The following GABRB3 variants were observed in gnomAD, a reference collection of about 807,000 sequenced individuals.
The protein encoded by GABRB3 is gamma-aminobutyric acid type A receptor subunit beta3.
A neutral mutation model predicts 52.1 loss-of-function variants in GABRB3; 14 were observed. The ratio of observed to expected loss-of-function variants is 0.27; its 90% CI spans 0.18 to 0.42. GABRB3 has a LOEUF of 0.42. Among genes scored for constraint, GABRB3 ranks in the 10% least tolerant of loss-of-function variants. The pLI, the probability that GABRB3 is intolerant of heterozygous loss-of-function variation, is 1.00. For synonymous variants in GABRB3, 260 were observed against 232.3 expected (o/e 1.12, Z -1.08); for missense variants, 307 against 609.1 (o/e 0.50, Z 5.22).
chr15:26,647,032 A>T (rs576616440), intron 3 of GABRB3, among the ~76,000 whole-genome samples: 34 of 152,154 alleles, frequency 2.2e-4, no homozygotes, highest in African/African-American at 7.7e-4. Flanking sequence ...TTTAGTATAG[A>T]CGGGGTTTCA....
chr15:26,646,796 T>C (rs1465186836), intron 3 of GABRB3, among the ~76,000 whole-genome samples: 1 of 152,214 alleles, frequency 6.6e-6, no homozygotes, highest in Non-Finnish European at 1.5e-5. Flanking sequence ...CCCTAGCGAC[T>C]AATGATGTTA....
At chr15:26,591,078 C>A (rs1047419733) in intron 4 of GABRB3, among the ~76,000 whole-genome samples, 1 of 152,144 alleles carries the variant, frequency 6.6e-6, no homozygotes, top group South Asian at 2.1e-4. Flanking sequence ...TCAGAGACTA[C>A]CCTGGGTAAG....
intron 4 of GABRB3, among the ~76,000 whole-genome samples, chr15:26,609,908 G>A (rs775827196): frequency 9.2e-5 from 14 of 152,068 alleles, no homozygotes; most frequent in Non-Finnish European, 1.6e-4. Context: ...AGTTTCTTTT[G>A]AGTAACCATA....
chr15:26,647,862 G>C (rs2140583630), intron 3 of GABRB3, among the ~76,000 whole-genome samples: 1 of 152,314 alleles, frequency 6.6e-6, no homozygotes, highest in African/African-American at 2.4e-5. Flanking sequence ...CTCCCCCACT[G>C]TTAGTCGAGG....
intron 4 of GABRB3, among the ~76,000 whole-genome samples, chr15:26,619,082 A>C (rs2140532008): frequency 6.6e-6 from 1 of 151,882 alleles, no homozygotes; most frequent in African/African-American, 2.4e-5. Context: ...ACTGTAAACT[A>C]GTTCAACCAT....
intron 3 of GABRB3, among the ~76,000 whole-genome samples, chr15:26,766,265 A>G (rs1436160951): frequency 6.6e-6 from 1 of 152,212 alleles, no homozygotes; most frequent in African/African-American, 2.4e-5. Context: ...TATGAGAAAG[A>G]AAGGTTCAGT....
chr15:26,756,355 C>G lies in GABRB3; in HGVS notation c.240+16047G>C, dbSNP rs965949557. Among the ~76,000 whole-genome samples, 3 of 151,248 alleles carry G rather than the reference C, an allele frequency of 2.0e-5. No individual in the cohort carries two copies. In the South Asian group the frequency reaches 6.3e-4, roughly 32 times the overall value. On this transcript the variant is annotated intron_variant, in intron 3 of 8. Transcript: ENST00000311550. ...GAAACCGAGGCGGGTGGATCACGAG[C>G]CCAGGAGTTTGAGACCACCCCAGGC...
chr15:26,753,320 G>C (rs1890568498), intron 3 of GABRB3, among the ~76,000 whole-genome samples: 1 of 152,216 alleles, frequency 6.6e-6, no homozygotes, highest in Non-Finnish European at 1.5e-5. Context: ...TACTGTGTAA[G>C]AGGAACCAGA....
At chr15:26,763,518 A>C (rs929184858) in intron 3 of GABRB3, among the ~76,000 whole-genome samples, 1 of 152,064 alleles carries the variant, frequency 6.6e-6, no homozygotes, top group African/African-American at 2.4e-5. Context: ...AGAGAATTAC[A>C]GTCAGCATAA....
chr15:26,562,175 T>G (rs2140682614), intron 7 of GABRB3, among the ~76,000 whole-genome samples: 1 of 152,290 alleles, frequency 6.6e-6, no homozygotes, highest in South Asian at 2.1e-4. Context: ...TACGCTGCGC[T>G]TACAGGAAAG....
chr15:26,772,989 A>AG lies in GABRB3; in HGVS notation c.-28dup. On this transcript the variant is annotated 5_prime_UTR_variant, in exon 1 of 9. Transcript: ENST00000311550. ...CCTCCGCCGCGCCCCGGCACGGGGG[A>AG]GGGGGCGCCCCGCCGCCGTCGCGAC... is the stretch of plus-strand genomic sequence containing the variant. 1.5e-6 allele frequency: 2 copies of AG among 1,358,196 alleles called. No homozygotes were observed. The highest frequency in any genetic ancestry group is 1.9e-6 in the Non-Finnish European group (2 of 1,045,842). The allele number at this position is 1,358,196 out of a possible 1,614,324, so 84.1% of individuals were successfully genotyped here.
intron 3 of GABRB3, among the ~76,000 whole-genome samples, chr15:26,687,156 T>A (rs947764192): frequency 2.6e-5 from 4 of 152,246 alleles, no homozygotes; most frequent in Non-Finnish European, 5.9e-5. Flanking sequence ...GTCAGATGAC[T>A]CTCCACTGTG....
rs895979031 is a variant in GABRB3 at position 26,742,381 on chromosome 15, T to C, written c.240+30021A>G. ...TCTTTAGTTTCTGGTCTATGATGTA[T>C]TGAAAAAAAAAAAAGCCTCTCCTAC... On this transcript the variant is annotated intron_variant, in intron 3 of 8. Transcript: ENST00000311550. 2.9e-4 allele frequency among the ~76,000 whole-genome samples: 22 copies of C among 76,236 alleles called. No homozygotes were observed. In the Admixed American group the frequency reaches 3.0e-3, roughly 10 times the overall value. The allele number at this position is 76,236 out of a possible 152,430, so 50.0% of individuals were successfully genotyped here.
intron 3 of GABRB3, among the ~76,000 whole-genome samples, chr15:26,759,458 A>T (rs536425824): frequency 6.6e-6 from 1 of 152,118 alleles, no homozygotes; most frequent in Admixed American, 6.5e-5. Flanking sequence ...ACGGGGTTTC[A>T]CCATGTTGGC....
At chr15:26,645,644 T>A (rs1316889212) in intron 3 of GABRB3, among the ~76,000 whole-genome samples, 1 of 152,172 alleles carries the variant, frequency 6.6e-6, no homozygotes, top group Admixed American at 6.5e-5. Context: ...CTGGTAACAT[T>A]TTTGTCTGTG....
chr15:26,598,000 A>C (rs1021409166), intron 4 of GABRB3, among the ~76,000 whole-genome samples: 1 of 152,226 alleles, frequency 6.6e-6, no homozygotes, highest in African/African-American at 2.4e-5. Context: ...GGCTGTGGAA[A>C]GGGAAAATGT....
At chr15:26,697,875 A>C (rs1483108792) in intron 3 of GABRB3, among the ~76,000 whole-genome samples, 1 of 152,310 alleles carries the variant, frequency 6.6e-6, no homozygotes, top group Admixed American at 6.5e-5. Context: ...TGTTTCTCCC[A>C]GCAGAACTCC....
intron 8 of GABRB3, 88 bp downstream of exon 8, chr15:26,560,844 G>T: frequency 6.4e-7 from 1 of 1,571,704 alleles, no homozygotes. Flanking sequence ...TACACTACTG[G>T]GGAAAAAACA....
chr15:26,586,397 A>AACACACACACACACACAC (rs56386894), intron 4 of GABRB3, among the ~76,000 whole-genome samples: 16,914 of 137,844 alleles, frequency 0.12, 1,359 homozygotes, highest in East Asian at 0.19. Context: ...AACCACCCCT[A>AACACACACACACACACAC]ACACACACAC....
Sources: allele counts gnomAD v4.1 joint callset (sites outside exome capture counted in the v4.1 genomes callset), GRCh38; gene constraint gnomAD v4.1.1; transcripts MANE v1.5; gene names NCBI Gene and HGNC (gene_info 2026-07-23, HGNC 2026-07-21).